The following DAD1 variants were observed in gnomAD, a reference collection of about 807,000 sequenced individuals.
DAD1 encodes defender against cell death 1, also known as dolichyl-diphosphooligosaccharide--protein glycosyltransferase subunit DAD1.
In DAD1, 4 loss-of-function variants were observed where a neutral mutation model predicts 9.0. The ratio of observed to expected loss-of-function variants is 0.44; its 90% CI spans 0.22 to 1.01. The LOEUF is 1.01. Among genes scored for constraint, DAD1 ranks in the 50% least tolerant of loss-of-function variants. The pLI is 0.24. For synonymous variants in DAD1, 60 were observed against 62.5 expected, an observed-to-expected ratio of 0.96 and a Z score of 0.19; for missense variants, 119 against 137.3, an observed-to-expected ratio of 0.87 and a Z score of 0.67.
At chr14:22,584,562 CA>C (rs569648631) in intron 1 of DAD1, among the ~76,000 whole-genome samples, 21 of 142,612 alleles carry the variant, frequency 1.5e-4, no homozygotes, top group African/African-American at 3.6e-4. Flanking sequence ...AAAACAGTAA[CA>C]AAAAAAAAAG....
Position 22,589,032 on chromosome 14 carries a change from G to A in DAD1, c.126C>T (p.Phe42=). The A allele has an allele frequency of 6.2e-7, 1 of 1,614,186 alleles. No homozygotes were observed. The highest frequency in any genetic ancestry group is 8.5e-7 in the Non-Finnish European group (1 of 1,180,026). ...AGGTCCCCACGAGGAGACAGTAACCGAACTGCAGCGCCCCGGTCAGCAGTA... is the reference window on the plus strand; with the variant it reads ...AGGTCCCCACGAGGAGACAGTAACCAAACTGCAGCGCCCCGGTCAGCAGTA... ...LYILLTGALQ[F]GYCLLVGTFP... Residue 42 remains phenylalanine (F), a synonymous_variant, in exon 1 of 3, where the codon TTC becomes TTT. Coordinates refer to ENST00000250498, the MANE Select transcript of DAD1 (RefSeq NM_001344.4).
intron 1 of DAD1, 122 bp from the exon 2 acceptor site, chr14:22,575,355 C>T (rs1263523834): frequency 6.7e-6 from 7 of 1,047,150 alleles, no homozygotes; most frequent in Admixed American, 2.7e-5. Context: ...TGCATATATA[C>T]ATCAAAGGGC....
At chr14:22,568,229 C>T (rs1248532726) in intron 2 of DAD1, among the ~76,000 whole-genome samples, 5 of 152,176 alleles carry the variant, frequency 3.3e-5, no homozygotes, top group Non-Finnish European at 7.3e-5. Context: ...TCTGTCTCCA[C>T]ATCACTGGGT....
rs574911226 is a variant in DAD1 at position 22,583,238 on chromosome 14, TTATC to T, written c.211+5705_211+5708del. Reference sequence around the variant, plus strand: ...GTAGGTATACAGGTGTTATTTAAGTTTATCTATTTAAAAAAAAATACAAAGTGAA... The same window carrying T: ...GTAGGTATACAGGTGTTATTTAAGTTTATTTAAAAAAAAATACAAAGTGAA... On this transcript the variant is annotated intron_variant, in intron 1 of 2. Coordinates refer to ENST00000250498, the MANE Select transcript of DAD1 (RefSeq NM_001344.4). 1.5e-4 allele frequency among the ~76,000 whole-genome samples: 22 copies of T among 150,170 alleles called. No individual in the cohort carries two copies. The South Asian group carries it at 4.6e-3, about 31-fold the overall frequency.
intron 1 of DAD1, among the ~76,000 whole-genome samples, chr14:22,587,276 G>A (rs1276370735): frequency 1.3e-5 from 2 of 152,154 alleles, no homozygotes; most frequent in Non-Finnish European, 2.9e-5. Flanking sequence ...ACTTCTACAT[G>A]GAGAAGGCAT....
At chr14:22,573,252 A>G (rs1307779407) in intron 2 of DAD1, among the ~76,000 whole-genome samples, 1 of 151,804 alleles carries the variant, frequency 6.6e-6, no homozygotes, top group East Asian at 1.9e-4. Flanking sequence ...AGCTCAAGCA[A>G]TCGCCCACCT....
intron 1 of DAD1, among the ~76,000 whole-genome samples, chr14:22,587,281 A>T (rs1365444908): frequency 6.6e-6 from 1 of 152,232 alleles, no homozygotes; most frequent in African/African-American, 2.4e-5. Context: ...TACATGGAGA[A>T]GGCATCTTTT....
At chr14:22,568,695 A>ATT (rs59847356) in intron 2 of DAD1, among the ~76,000 whole-genome samples, 5,088 of 136,470 alleles carry the variant, frequency 0.037, 308 homozygotes, top group African/African-American at 0.12. Context: ...AAGTCTTCTG[A>ATT]TTTTTTTTTT....
chr14:22,585,835 A>T (rs1231621437), intron 1 of DAD1, among the ~76,000 whole-genome samples: 1 of 152,226 alleles, frequency 6.6e-6, no homozygotes. Context: ...AAAAAAAAAT[A>T]GAGAAGATTA....
intron 1 of DAD1, among the ~76,000 whole-genome samples, chr14:22,583,586 A>G (rs2037132679): frequency 6.6e-6 from 1 of 152,166 alleles, no homozygotes; most frequent in South Asian, 2.1e-4. Flanking sequence ...ATGGGATGGT[A>G]GCTAGAAGAT....
chr14:22,570,056 A>C (rs939230038), intron 2 of DAD1, among the ~76,000 whole-genome samples: 2 of 152,150 alleles, frequency 1.3e-5, no homozygotes, highest in African/African-American at 4.8e-5. Flanking sequence ...ATTTCCTACA[A>C]ATGTAGGACA....
chr14:22,579,944 A>G (rs1467695308), intron 1 of DAD1, among the ~76,000 whole-genome samples: 1 of 151,116 alleles, frequency 6.6e-6, no homozygotes, highest in African/African-American at 2.4e-5. Context: ...GGCTCAAACA[A>G]TCCTCCCACC....
intron 1 of DAD1, among the ~76,000 whole-genome samples, chr14:22,578,149 A>G (rs5742769): frequency 0.011 from 1,601 of 152,260 alleles, 19 homozygotes; most frequent in African/African-American, 0.026. Context: ...GTTGCTTGGC[A>G]GGCTGAGGCA....
rs764562342 is a variant in DAD1 at position 22,575,239 on chromosome 14, C to T, written c.212-6G>A. Reference sequence around the variant, plus strand: ...GATCTGTATTCTCAGGCAAACTGCACAAGAAGCAAAACACAAAAAAATGAT... The same window carrying T: ...GATCTGTATTCTCAGGCAAACTGCATAAGAAGCAAAACACAAAAAAATGAT... On this transcript the variant is annotated splice_polypyrimidine_tract_variant and splice_region_variant and intron_variant, in intron 1 of 2. Coordinates refer to ENST00000250498, the MANE Select transcript of DAD1 (RefSeq NM_001344.4). 3 of 1,612,144 alleles carry T rather than the reference C, an allele frequency of 1.9e-6. No individual in the cohort carries two copies. The highest frequency in any genetic ancestry group is 2.5e-6 in the Non-Finnish European group (3 of 1,179,356).
intron 2 of DAD1, among the ~76,000 whole-genome samples, chr14:22,566,824 A>G (rs1211507890): frequency 2.0e-5 from 3 of 152,252 alleles, no homozygotes; most frequent in African/African-American, 7.2e-5. Flanking sequence ...AAATTGACTC[A>G]TGAGAGTAAG....
chr14:22,565,263 C>A, intron 2 of DAD1, 126 bp from the exon 3 acceptor site: 2 of 570,140 alleles, frequency 3.5e-6, no homozygotes, highest in South Asian at 2.1e-5. Flanking sequence ...ATATTTAAAC[C>A]AGGCGAGAAA....
rs188541773 is a variant in DAD1 at position 22,587,050 on chromosome 14, G to T, written c.211+1897C>A. Among the ~76,000 whole-genome samples the T allele has an allele frequency of 6.6e-5, 10 of 152,278 alleles. No individual in the cohort carries two copies. In the East Asian group the frequency reaches 1.9e-3, roughly 29 times the overall value. The stretch of plus-strand genomic sequence containing the variant: ...AAGCCACCTAGTTCCCACTGGAGAG[G>T]AGAAAGGCAGTCCAGTCTGCCAATT... On this transcript the variant is annotated intron_variant, in intron 1 of 2. Transcript: ENST00000250498.
intron 2 of DAD1, among the ~76,000 whole-genome samples, chr14:22,566,554 G>A (rs5742861): frequency 0.092 from 14,009 of 151,992 alleles, 1,186 homozygotes; most frequent in African/African-American, 0.22. Context: ...GGCTGGTCTC[G>A]AACTCCTGAC....
At chr14:22,569,656 A>G (rs967683908) in intron 2 of DAD1, among the ~76,000 whole-genome samples, 3 of 152,222 alleles carry the variant, frequency 2.0e-5, no homozygotes, top group Admixed American at 6.5e-5. Flanking sequence ...GAGGATGGAG[A>G]AAATAAGGCA....
Sources: gnomAD v4.1 joint callset for allele counts (sites outside exome capture counted in the v4.1 genomes callset) on GRCh38, gnomAD v4.1.1 for gene constraint, MANE v1.5 for transcripts, NCBI Gene and HGNC (gene_info 2026-07-23, HGNC 2026-07-21) for gene names.